Variants in TTBK1 observed in about 807,000 individuals in gnomAD.
TTBK1 encodes the protein tau tubulin kinase 1, also known as tau-tubulin kinase 1.
A neutral mutation model predicts 108.5 loss-of-function variants in TTBK1; 34 were observed. That is an observed-to-expected ratio of 0.31 (90% CI 0.24 to 0.42). The LOEUF (loss-of-function observed/expected upper bound fraction) is 0.42, where lower values mean the gene tolerates loss of function less well. Among genes scored for constraint, TTBK1 ranks in the 10% least tolerant of loss-of-function variants. The pLI, the probability that TTBK1 is intolerant of heterozygous loss-of-function variation, is 1.00. For synonymous variants in TTBK1, 809 were observed against 795.1 expected (o/e 1.02, Z -0.29); for missense variants, 1,539 against 1,826.0 (o/e 0.84, Z 2.86).
chr6:43,272,719 T>C, intron 13 of TTBK1: 1 of 979,456 alleles, frequency 1.0e-6, no homozygotes, highest in African/African-American at 1.7e-5. Flanking sequence ...TAAGTTCATG[T>C]GAAGCTCGGC....
chr6:43,270,120 A>C, intron 13 of TTBK1: 2 of 1,365,140 alleles, frequency 1.5e-6, no homozygotes, highest in East Asian at 2.9e-5. Context: ...TAATACTCCC[A>C]CCCCAAGCAG....
chr6:43,247,643 C>T (rs1432926758), intron 2 of TTBK1, among the ~76,000 whole-genome samples: 1 of 151,658 alleles, frequency 6.6e-6, no homozygotes, highest in Non-Finnish European at 1.5e-5. Flanking sequence ...ACCTCTGAGT[C>T]GTGTGTGTGT....
At chr6:43,248,859 T>C (rs895316912) in intron 2 of TTBK1, among the ~76,000 whole-genome samples, 1 of 152,170 alleles carries the variant, frequency 6.6e-6, no homozygotes, top group Non-Finnish European at 1.5e-5. Flanking sequence ...TGAGGGGTGC[T>C]TCTCAGAATC....
At position 43,257,712 on chromosome 6, in the gene TTBK1, A is replaced by G; in HGVS notation, c.862-100A>G. The G allele has an allele frequency of 7.7e-7, 1 of 1,297,290 alleles. No homozygotes were observed. Among genetic ancestry groups the G allele is most frequent in the East Asian group, 2.4e-5 (1 of 41,310 alleles). 80.4% of individuals were successfully genotyped at this position (1,297,290 alleles called of 1,614,324 possible). A position where few individuals can be genotyped will look rare whatever the true frequency, so the allele number is the denominator to read the frequency against. On this transcript the variant is annotated intron_variant, in intron 9 of 14. Transcript: ENST00000259750. The surrounding 1 kb of genome is among the most constrained non-coding windows in gnomAD (Gnocchi z 4.5). ...CCCTCCAGGCCCATTCCTGTCCTGG[A>G]AAGTCCCTGTCTTCCTCCTATGATC...
chr6:43,282,626 A>T lies in TTBK1; in HGVS notation c.1987-101A>T. 1 of 971,926 alleles carries T rather than the reference A, an allele frequency of 1.0e-6. No individual in the cohort carries two copies. Among genetic ancestry groups the T allele is most frequent in the Non-Finnish European group, 1.6e-6 (1 of 637,302 alleles). The allele number at this position is 971,926 out of a possible 1,614,324, so 60.2% of individuals were successfully genotyped here. ...TATGGAGCTCACACTCTGGTAGACG[A>T]CCTGGGCCTGTGAGTCTCCTAGGTT... is the stretch of plus-strand genomic sequence containing the variant. On this transcript the variant is annotated intron_variant, in intron 13 of 14. Transcript: ENST00000259750. The surrounding 1 kb of genome is among the most constrained non-coding windows in gnomAD (Gnocchi z 5.4).
chr6:43,275,581 C>T (rs1777959191), intron 13 of TTBK1, among the ~76,000 whole-genome samples: 1 of 151,680 alleles, frequency 6.6e-6, no homozygotes, highest in South Asian at 2.1e-4. Flanking sequence ...CCTCACTGCC[C>T]GTCGGGCTGC....
Position 43,282,966 on chromosome 6 carries a change from G to A in TTBK1, c.2226G>A (p.Glu742=), listed in dbSNP as rs1778217413. 5 of 1,606,674 alleles carry A rather than the reference G, an allele frequency of 3.1e-6. No individual in the cohort carries two copies. In the East Asian group the frequency reaches 1.1e-4, roughly 36 times the overall value. Residue 742 remains glutamate, a synonymous_variant, in exon 14 of 15, where the codon GAG becomes GAA. Coordinates refer to ENST00000259750, the MANE Select transcript of TTBK1 (RefSeq NM_032538.3). The surrounding 1 kb of genome is among the most constrained non-coding windows in gnomAD (Gnocchi z 5.4). ...KEEEEEEEED[E]EEEEEDEEEE... ...AAGAGGAGGAGGAGGAGGAAGATGA[G>A]GAAGAGGAAGAAGAGGATGAGGAAG...
At position 43,257,845 on chromosome 6, in the gene TTBK1, G is replaced by A; in HGVS notation, c.895G>A (p.Glu299Lys). Residue 299 changes from glutamate (E) to lysine (K), a missense_variant, in exon 10 of 15, where the codon GAG becomes AAG. By Grantham distance (56) the Glu-to-Lys change is moderately conservative (BLOSUM62 1). Around this residue, in one of 5 missense-constraint regions of TTBK1, gnomAD observed 277 missense variants for 332.4 expected, o/e 0.83. Transcript: ENST00000259750. This position sits in a 1 kb window ranked among gnomAD's most constrained non-coding sequence, Gnocchi z 4.5. ...GTCAGTGTTTGAGAACAGCATGAAG[G>A]AGAGGGGCATTGCCGAGAATGAGGC... ...IMSVFENSMK[E>K]RGIAENEAFD... 2 of 1,613,988 alleles carry A rather than the reference G, an allele frequency of 1.2e-6. No homozygotes were observed. The highest frequency in any genetic ancestry group is 1.7e-6 in the Non-Finnish European group (2 of 1,179,988).
intron 13 of TTBK1, among the ~76,000 whole-genome samples, chr6:43,278,162 G>A (rs1778059747): frequency 6.6e-6 from 1 of 152,156 alleles, no homozygotes; most frequent in Non-Finnish European, 1.5e-5. Context: ...CTCCAGTGTC[G>A]GTGTCAGAGA....
chr6:43,246,578 G>A (rs1027326300), intron 1 of TTBK1, 29 bp from the exon 2 acceptor site: 2 of 1,085,410 alleles, frequency 1.8e-6, no homozygotes, highest in Non-Finnish European at 1.3e-6. Context: ...TCCGCAGCCC[G>A]CCCTCACAGG....
rs754155088 is a variant in TTBK1, at chr6:43,263,201, C to T, written c.1837C>T (p.Pro613Ser). ...LAEEDLQHLP[P>S]QPLPPQLSQG... ...GGAGGAGGACCTGCAGCATTTGCCG[C>T]CCCAGCCCCTGCCACCCCAGCTGAG... Residue 613 changes from proline to serine, a missense_variant, in exon 13 of 15, where the codon CCC (proline) becomes TCC (serine). This residue lies in a region of TTBK1 where 1,055 missense variants were observed against 1,086.5 expected (regional missense o/e 0.97). Transcript: ENST00000259750. This position sits in a 1 kb window ranked among gnomAD's most constrained non-coding sequence, Gnocchi z 4.7. The T allele has an allele frequency of 5.1e-6, 8 of 1,580,498 alleles. No individual in the cohort carries two copies. The highest frequency in any genetic ancestry group is 1.3e-5 in the African/African-American group (1 of 74,538).
At chr6:43,247,167 C>G (rs1043757748) in intron 2 of TTBK1, among the ~76,000 whole-genome samples, 2 of 152,042 alleles carry the variant, frequency 1.3e-5, no homozygotes, top group African/African-American at 4.8e-5. Context: ...CCGCAGAGGA[C>G]GGAAAGGCTT....
Position 43,284,272 on chromosome 6 carries a change from C to T in TTBK1, c.3532C>T (p.His1178Tyr), listed in dbSNP as rs886598859. ...VAAQQPASRS[H>Y]GAAPALDTAI... ...AGCCCAGCAGCCCGCCAGCAGATCC[C>T]ATGGCGCGGCCCCAGCATTGGACAC... The change falls in exon 14 of 15, where the codon CAT becomes TAT. Residue 1178 changes from histidine (H) to tyrosine (Y), a missense_variant. Around this residue, in one of 5 missense-constraint regions of TTBK1, gnomAD observed 1,055 missense variants for 1,086.5 expected, o/e 0.97. Transcript: ENST00000259750. 1.3e-6 allele frequency: 2 copies of T among 1,588,934 alleles called. No individual in the cohort carries two copies. Among genetic ancestry groups the T allele is most frequent in the Non-Finnish European group, 1.7e-6 (2 of 1,173,340 alleles).
chr6:43,274,412 C>T (rs12195757), intron 13 of TTBK1, among the ~76,000 whole-genome samples: 7 of 152,066 alleles, frequency 4.6e-5, no homozygotes, highest in East Asian at 3.9e-4. Context: ...AGGCAGTGGT[C>T]GGGGGAGCCT....
chr6:43,284,767 G>A (rs1040590435), intron 14 of TTBK1, among the ~76,000 whole-genome samples: 1 of 152,152 alleles, frequency 6.6e-6, no homozygotes, highest in Non-Finnish European at 1.5e-5. Context: ...CCAGCAGCAG[G>A]CTCTTCCAGC....
In TTBK1 at chr6:43,259,570, G is replaced by A; in HGVS notation, c.1288G>A (p.Val430Ile). ...GGAGGAACAGAGCCGAGGCATGGGG[G>A]TCCCCAGCTCCCCAGTGCGTGCCCC... ...VEEEQSRGMG[V>I]PSSPVRAPPD... is the part of the protein sequence containing the mutation. The change falls in exon 12 of 15, where the codon GTC (valine) becomes ATC (isoleucine). Residue 430 changes from valine (V) to isoleucine (I), a missense_variant. Coordinates refer to ENST00000259750, the MANE Select transcript of TTBK1 (RefSeq NM_032538.3). This position sits in a 1 kb window ranked among gnomAD's most constrained non-coding sequence, Gnocchi z 6.7. 1 of 1,605,490 alleles carries A rather than the reference G, an allele frequency of 6.2e-7. No individual in the cohort carries two copies. The highest frequency in any genetic ancestry group is 8.5e-7 in the Non-Finnish European group (1 of 1,176,166).
In TTBK1 at chr6:43,282,257, T is replaced by C. The variant is rs537814304; in HGVS notation, c.1987-470T>C. On this transcript the variant is annotated intron_variant, in intron 13 of 14. Transcript: ENST00000259750. The surrounding 1 kb of genome is among the most constrained non-coding windows in gnomAD (Gnocchi z 5.4). ...CTAGGAGCCAGCCCGGCACAGCCCATCCAGGAAGTGGCACAGATACTTGCC... is the reference window on the plus strand; with the variant it reads ...CTAGGAGCCAGCCCGGCACAGCCCACCCAGGAAGTGGCACAGATACTTGCC... Among the ~76,000 whole-genome samples, 1 of 152,310 alleles carries C rather than the reference T, an allele frequency of 6.6e-6. No homozygotes were observed. The highest frequency in any genetic ancestry group is 2.4e-5 in the African/African-American group (1 of 41,554).
chr6:43,285,576 C>T lies in TTBK1; in HGVS notation c.*200C>T, dbSNP rs1313893161. ...GCCTTAGGGCCCGTGGGGGACGCGG[C>T]CCCGCGCCGCGGGGAGGGTCTGCCT... is the stretch of plus-strand genomic sequence containing the variant. On this transcript the variant is annotated 3_prime_UTR_variant, in exon 15 of 15. Coordinates refer to ENST00000259750, the MANE Select transcript of TTBK1 (RefSeq NM_032538.3). The surrounding 1 kb of genome is among the most constrained non-coding windows in gnomAD (Gnocchi z 4.7). 8.6e-6 allele frequency: 5 copies of T among 580,006 alleles called. No individual in the cohort carries two copies. The highest frequency in any genetic ancestry group is 5.9e-5 in the African/African-American group (3 of 50,946). 35.9% of individuals were successfully genotyped at this position (580,006 alleles called of 1,614,324 possible).
Position 43,263,077 on chromosome 6 carries a change from C to T in TTBK1, c.1713C>T (p.Pro571=), listed in dbSNP as rs550758140. ...CATCGGGCACCACGGATGAGGAGCC[C>T]GAGGAGCTGCGGCCACTGCCCGAGG... The part of the protein sequence containing the change: ...PSTSGTTDEE[P]EELRPLPEEG... Residue 571 remains proline (P), a synonymous_variant, in exon 13 of 15, where the codon CCC becomes CCT. Coordinates refer to ENST00000259750, the MANE Select transcript of TTBK1 (RefSeq NM_032538.3). This position sits in a 1 kb window ranked among gnomAD's most constrained non-coding sequence, Gnocchi z 4.7. The T allele has an allele frequency of 2.9e-5, 45 of 1,573,538 alleles. No homozygotes were observed. The highest frequency in any genetic ancestry group is 5.8e-5 in the South Asian group (5 of 86,186).
Sources: gnomAD v4.1 joint callset for allele counts (sites outside exome capture counted in the v4.1 genomes callset) on GRCh38, gnomAD v4.1.1 for gene constraint, gnomAD v4.1.1 regional missense constraint, Gnocchi (gnomAD v3.1) non-coding constraint, MANE v1.5 for transcripts, NCBI Gene and HGNC (gene_info 2026-07-23, HGNC 2026-07-21) for gene names.